UBR1: variants seen among roughly 807,000 people sequenced by gnomAD.
The protein encoded by UBR1 is ubiquitin protein ligase E3 component n-recognin 1, also known as E3 ubiquitin-protein ligase UBR1.
UBR1 carries 102 observed loss-of-function variants against 242.1 expected under a neutral mutation model. The observed-to-expected ratio is 0.42, with a 90% CI of 0.36 to 0.50. The LOEUF is 0.50. UBR1 is among the 20% of genes least tolerant of loss of function. The pLI, the probability that UBR1 is intolerant of heterozygous loss-of-function variation, is 0.01. For missense variants in UBR1, 1,772 were observed against 2,101.8 expected (o/e 0.84, Z 3.07); for synonymous variants, 675 against 684.8 (o/e 0.99, Z 0.22).
At chr15:43,020,436 G>C (rs1478216276) in intron 27 of UBR1, among the ~76,000 whole-genome samples, 1 of 152,092 alleles carries the variant, frequency 6.6e-6, no homozygotes, top group Non-Finnish European at 1.5e-5. Context: ...ACCTTAATCA[G>C]TTCAGATTCT....
intron 19 of UBR1, among the ~76,000 whole-genome samples, chr15:43,034,836 G>A (rs1302139394): frequency 1.3e-4 from 19 of 148,594 alleles, no homozygotes; most frequent in Non-Finnish European, 2.4e-4. Context: ...ATGGTGAGCC[G>A]AGATCGCGCC....
chr15:43,070,675 T>C, intron 5 of UBR1, 120 bp downstream of exon 5: 5 of 1,433,690 alleles, frequency 3.5e-6, no homozygotes, highest in Non-Finnish European at 4.9e-6. Context: ...AAGAGATAAG[T>C]CACTAAGAAT....
At chr15:43,034,482 C>T (rs1259713117) in intron 19 of UBR1, among the ~76,000 whole-genome samples, 3 of 151,724 alleles carry the variant, frequency 2.0e-5, no homozygotes, top group Non-Finnish European at 4.4e-5. Context: ...TGTATATTAC[C>T]TCTGAGACAA....
chr15:43,054,014 C>G (rs1324901105), intron 12 of UBR1, among the ~76,000 whole-genome samples: 1 of 151,958 alleles, frequency 6.6e-6, no homozygotes, highest in African/African-American at 2.4e-5. Context: ...GATGTGGAAC[C>G]CACAAATACG....
Position 43,067,954 on chromosome 15 carries a change from C to T in UBR1, c.742G>A (p.Ala248Thr). ...GCCTCTGCGAGCTCACAGTCAAGAG[C>T]TCTTTGTAGGCTGTATATGACGTGG... ...YDHVIYSLQR[A>T]LDCELAEAQL... is the part of the protein sequence containing the mutation. Residue 248 changes from alanine to threonine, a missense_variant, in exon 6 of 47, where the codon GCT (alanine) becomes ACT (threonine). By Grantham distance (58) the Ala-to-Thr change is moderately conservative. This residue lies in a region of UBR1 where 734 missense variants were observed against 893.3 expected (regional missense o/e 0.82). Coordinates refer to ENST00000290650, the MANE Select transcript of UBR1 (RefSeq NM_174916.3). 2 of 1,613,784 alleles carry T rather than the reference C, an allele frequency of 1.2e-6. No homozygotes were observed. The highest frequency in any genetic ancestry group is 3.3e-5 in the Admixed American group (2 of 59,986).
At position 43,059,691 on chromosome 15, in the gene UBR1, G is replaced by C. The variant is rs1202003161; in HGVS notation, c.985+11C>G. On this transcript the variant is annotated intron_variant, in intron 8 of 46. Coordinates refer to ENST00000290650, the MANE Select transcript of UBR1 (RefSeq NM_174916.3). ...TTTATCAGAAACAAGAAAAACAGGA[G>C]GTATGCTTACTTGAATAGCTCATAA... The C allele has an allele frequency of 6.2e-7, 1 of 1,613,506 alleles. No individual in the cohort carries two copies. Among genetic ancestry groups the C allele is most frequent in the Admixed American group, 1.7e-5 (1 of 59,962 alleles).
chr15:42,973,013 T>C (rs2032231768), intron 39 of UBR1, among the ~76,000 whole-genome samples: 1 of 152,180 alleles, frequency 6.6e-6, no homozygotes, highest in Admixed American at 6.5e-5. Flanking sequence ...CATTTGGTGG[T>C]GTCAGTGTTT....
At chr15:43,104,415 G>A (rs1018348159) in intron 1 of UBR1, among the ~76,000 whole-genome samples, 4 of 152,168 alleles carry the variant, frequency 2.6e-5, no homozygotes, top group African/African-American at 9.7e-5. Context: ...CCATTAAAAT[G>A]TTTCAGTTGC....
chr15:43,104,040 T>C (rs1006746209), intron 1 of UBR1, among the ~76,000 whole-genome samples: 1 of 152,196 alleles, frequency 6.6e-6, no homozygotes, highest in African/African-American at 2.4e-5. Flanking sequence ...TTTACTGACA[T>C]TACTCTACCT....
intron 45 of UBR1, among the ~76,000 whole-genome samples, chr15:42,951,426 G>A (rs777241762): frequency 1.3e-5 from 2 of 152,148 alleles, no homozygotes; most frequent in Non-Finnish European, 2.9e-5. Flanking sequence ...GTTTCACCAC[G>A]TTGGCCAGGC....
intron 43 of UBR1, 98 bp from the exon 44 acceptor site, chr15:42,958,188 G>C: frequency 1.4e-6 from 1 of 700,838 alleles, no homozygotes; most frequent in Non-Finnish European, 2.4e-6. Context: ...AATAACAAAA[G>C]GATCTACACT....
At chr15:42,965,666 C>G (rs1212347225) in intron 41 of UBR1, among the ~76,000 whole-genome samples, 1 of 152,074 alleles carries the variant, frequency 6.6e-6, no homozygotes, top group Non-Finnish European at 1.5e-5. Flanking sequence ...GGGGTTTCAC[C>G]ATGTTGGCCT....
intron 44 of UBR1, among the ~76,000 whole-genome samples, chr15:42,956,742 A>G (rs1028836876): frequency 2.6e-5 from 4 of 152,194 alleles, no homozygotes; most frequent in African/African-American, 4.8e-5. Context: ...CTATTCCCCA[A>G]TGTCATGGCA....
chr15:42,968,481 T>G (rs952715359), intron 40 of UBR1, among the ~76,000 whole-genome samples: 5 of 151,838 alleles, frequency 3.3e-5, no homozygotes, highest in Non-Finnish European at 5.9e-5. Context: ...TGCCTTGGCC[T>G]CTAAAAGTGT....
rs2176869 is a variant in UBR1 at position 43,090,391 on chromosome 15, G to C, written c.82-4151C>G. ...ATCGAATGAGTAATATCCTTACAGT[G>C]AGTCCATATTTTGGAAGTAATTTTA... On this transcript the variant is annotated intron_variant, in intron 1 of 46. Transcript: ENST00000290650. 6.8e-4 allele frequency among the ~76,000 whole-genome samples: 103 copies of C among 152,106 alleles called. 1 individual carries two copies. The East Asian group carries it at 0.019, about 29-fold the overall frequency.
chr15:43,017,205 A>G (rs1412907452), intron 27 of UBR1, 24 bp from the exon 28 acceptor site: 7 of 1,568,768 alleles, frequency 4.5e-6, no homozygotes, highest in Middle Eastern at 1.8e-4. Context: ...ATGAAACGTT[A>G]AAAGAGTTAG....
chr15:43,004,076 G>A lies in UBR1; in HGVS notation c.3416-146C>T, dbSNP rs546638617. On this transcript the variant is annotated intron_variant, in intron 30 of 46. Transcript: ENST00000290650. ...TAGTAACAAAAAGAGAAAAGTAATAGTAACAAAAGAGAAAAGCATAAAGGT... is the reference window on the plus strand; with the variant it reads ...TAGTAACAAAAAGAGAAAAGTAATAATAACAAAAGAGAAAAGCATAAAGGT... The A allele has an allele frequency of 6.3e-5, 46 of 730,680 alleles. No individual in the cohort carries two copies. In the African/African-American group the frequency reaches 6.4e-4, roughly 10 times the overall value. The allele number at this position is 730,680 out of a possible 1,614,324, so 45.3% of individuals were successfully genotyped here.
Position 42,977,879 on chromosome 15 carries a change from C to T in UBR1, c.4218+1G>A. Reference sequence around the variant, plus strand: ...CTTAAACAAAATTACTGAACACTTACCAAAACATGAAACAGATCTATAGAC... The same window carrying T: ...CTTAAACAAAATTACTGAACACTTATCAAAACATGAAACAGATCTATAGAC... On this transcript the variant is annotated splice_donor_variant, in intron 38 of 46. Transcript: ENST00000290650. LOFTEE classifies it high-confidence loss of function. 6.2e-7 allele frequency: 1 copy of T among 1,611,806 alleles called. No homozygotes were observed. The highest frequency in any genetic ancestry group is 8.5e-7 in the Non-Finnish European group (1 of 1,178,302).
At chr15:43,012,197 A>C (rs2032933662) in intron 29 of UBR1, among the ~76,000 whole-genome samples, 1 of 151,826 alleles carries the variant, frequency 6.6e-6, no homozygotes, top group Non-Finnish European at 1.5e-5. Context: ...ACTGCACTCC[A>C]GCCTGGGCGA....
Sources: gnomAD v4.1 joint callset for allele counts (sites outside exome capture counted in the v4.1 genomes callset) on GRCh38, gnomAD v4.1.1 for gene constraint, gnomAD v4.1.1 regional missense constraint, MANE v1.5 for transcripts, NCBI Gene and HGNC (gene_info 2026-07-23, HGNC 2026-07-21) for gene names.